The following DNAH6 variants were observed in gnomAD, a reference collection of about 807,000 sequenced individuals.
DNAH6 encodes the protein axonemal beta dynein heavy chain 6.
In DNAH6, 340 loss-of-function variants were observed where a neutral mutation model predicts 491.4. That is an observed-to-expected ratio of 0.69 (90% confidence interval 0.63 to 0.76). The LOEUF (loss-of-function observed/expected upper bound fraction) is 0.76. DNAH6 is among the 30% of genes least tolerant of loss of function. The probability of loss-of-function intolerance (pLI) is 0.00; values close to 1 mark genes in which losing one functional copy is unlikely to be tolerated. For missense variants in DNAH6, 4,443 were observed against 4,972.2 expected (o/e 0.89, Z 3.20); for synonymous variants, 1,603 against 1,686.1 (o/e 0.95, Z 1.21).
the DNAH6 span, among the ~76,000 whole-genome samples, chr2:84,505,755 G>A: frequency 6.6e-6 from 1 of 151,946 alleles, no homozygotes; most frequent in Admixed American, 6.5e-5. Flanking sequence ...TCCCCTTCCT[G>A]TGTCCGTGTG....
intron 11 of DNAH6, among the ~76,000 whole-genome samples, chr2:84,569,249 A>G (rs920051093): frequency 2.0e-5 from 3 of 152,138 alleles, no homozygotes; most frequent in Admixed American, 2.0e-4. Context: ...TTTCCAGGAT[A>G]TATTGTTAGA....
intron 23 of DNAH6, among the ~76,000 whole-genome samples, chr2:84,617,442 A>G (rs1438125731): frequency 1.3e-5 from 2 of 152,082 alleles, no homozygotes; most frequent in Admixed American, 1.3e-4. Flanking sequence ...AAATTAAATT[A>G]TTATTGACTA....
chr2:84,795,072 G>T (rs1427814876), intron 68 of DNAH6, among the ~76,000 whole-genome samples: 1 of 141,964 alleles, frequency 7.0e-6, no homozygotes, highest in Admixed American at 7.3e-5. Context: ...GTAAACTATC[G>T]CAAGGACAAA....
chr2:84,631,680 G>A (rs915665764), intron 29 of DNAH6, among the ~76,000 whole-genome samples: 8 of 152,222 alleles, frequency 5.3e-5, no homozygotes, highest in African/African-American at 1.7e-4. Context: ...CCCAAGGGTT[G>A]CCGGCAACCA....
At chr2:84,751,878 G>T (rs183147203) in intron 63 of DNAH6, among the ~76,000 whole-genome samples, 1 of 152,224 alleles carries the variant, frequency 6.6e-6, no homozygotes. Flanking sequence ...AAGTTACCAC[G>T]TGATGCTAAT....
At chr2:84,549,328 T>G (rs1185353606) in intron 8 of DNAH6, among the ~76,000 whole-genome samples, 1 of 152,238 alleles carries the variant, frequency 6.6e-6, no homozygotes, top group East Asian at 1.9e-4. Flanking sequence ...GCTACCATAG[T>G]GGACCTAGAA....
chr2:84,725,302 C>T (rs1264556699), intron 60 of DNAH6, among the ~76,000 whole-genome samples: 4 of 152,092 alleles, frequency 2.6e-5, no homozygotes, highest in Admixed American at 2.6e-4. Context: ...TTTCTATTTC[C>T]AGGAAAGAAT....
chr2:84,646,083 T>C (rs974738538), intron 33 of DNAH6, among the ~76,000 whole-genome samples: 7 of 152,240 alleles, frequency 4.6e-5, no homozygotes, highest in African/African-American at 1.7e-4. Flanking sequence ...TAGCTTGTGT[T>C]CACCATGTGT....
In DNAH6 at chr2:84,621,540, G is replaced by C. The variant is rs752790800; in HGVS notation, c.4060G>C (p.Val1354Leu). 19 of 1,517,316 alleles carry C rather than the reference G, an allele frequency of 1.3e-5. No homozygotes were observed. The African/African-American group carries it at 2.1e-4, about 17-fold the overall frequency. The allele number at this position is 1,517,316 out of a possible 1,614,324, so 94.0% of individuals were successfully genotyped here. Residue 1354 changes from valine to leucine, a missense_variant, in exon 26 of 77, where the codon GTA becomes CTA. This residue lies in a region of DNAH6 where 2,977 missense variants were observed against 3,296.6 expected (regional missense o/e 0.90). Transcript: ENST00000389394. ...HIQALKNFEK[V>L]NFERLNALAA... ...ACAGGCCCTGAAGAATTTTGAAAAA[G>C]TAAATTTTGAGGTGAGATCTGTAAC...
At chr2:84,667,454 A>T (rs1309691954) in intron 37 of DNAH6, among the ~76,000 whole-genome samples, 1 of 152,252 alleles carries the variant, frequency 6.6e-6, no homozygotes. Flanking sequence ...GTGAACAGAT[A>T]CTTCTCAAAA....
chr2:84,683,927 A>T lies in DNAH6; in HGVS notation c.6917-1399A>T, dbSNP rs376523762. 9.9e-5 allele frequency among the ~76,000 whole-genome samples: 15 copies of T among 152,226 alleles called. No homozygotes were observed. In the East Asian group the frequency reaches 1.2e-3, roughly 12 times the overall value. ...AACAAGTCTGGGAATGAACTGGGAGATGCTGGCCCATGGCAGGAGCTTAGG... is the reference window on the plus strand; with the variant it reads ...AACAAGTCTGGGAATGAACTGGGAGTTGCTGGCCCATGGCAGGAGCTTAGG... On this transcript the variant is annotated intron_variant, in intron 42 of 76. Transcript: ENST00000389394.
At chr2:84,608,868 T>C (rs1196101058) in intron 21 of DNAH6, among the ~76,000 whole-genome samples, 1 of 152,234 alleles carries the variant, frequency 6.6e-6, no homozygotes, top group Admixed American at 6.5e-5. Flanking sequence ...CTTCTTCTAA[T>C]AGAAGGCTAT....
chr2:84,806,123 T>G lies in DNAH6; in HGVS notation c.11611+329T>G, dbSNP rs554340422. On this transcript the variant is annotated intron_variant, in intron 71 of 76. Transcript: ENST00000389394. ...CCACTAGCCAATATGGCTACCTAAA[T>G]TTAAACTTAATGTAATTTAAAATTC... is the stretch of plus-strand genomic sequence containing the variant. Among the ~76,000 whole-genome samples, 4 of 152,330 alleles carry G rather than the reference T, an allele frequency of 2.6e-5. No homozygotes were observed. The East Asian group carries it at 7.7e-4, about 29-fold the overall frequency.
In DNAH6 at chr2:84,676,840, G is replaced by T. The variant is rs377695373; in HGVS notation, c.6613-165G>T. Among the ~76,000 whole-genome samples the T allele has an allele frequency of 4.6e-5, 7 of 152,110 alleles. No homozygotes were observed. The East Asian group carries it at 5.8e-4, about 13-fold the overall frequency. ...CTTGGTTTTTTAATCTATAAAATAG[G>T]TGTAATTATAGTGATCTCTTGGAGT... On this transcript the variant is annotated intron_variant, in intron 40 of 76. Coordinates refer to ENST00000389394, the MANE Select transcript of DNAH6 (RefSeq NM_001370.2).
At chr2:84,758,178 T>C (rs1166103917) in intron 63 of DNAH6, among the ~76,000 whole-genome samples, 1 of 152,134 alleles carries the variant, frequency 6.6e-6, no homozygotes, top group Non-Finnish European at 1.5e-5. Context: ...GCGAGAAAAA[T>C]ATTTCTCCAA....
At chr2:84,715,722 G>A in intron 58 of DNAH6, 95 bp downstream of exon 58, 1 of 1,196,200 alleles carries the variant, frequency 8.4e-7, no homozygotes, top group East Asian at 2.6e-5. Flanking sequence ...GTTCTGCTGT[G>A]TAAGAGCACT....
Position 84,710,418 on chromosome 2 carries a change from A to G in DNAH6, c.9378+6A>G. 2 of 1,551,542 alleles carry G rather than the reference A, an allele frequency of 1.3e-6. No individual in the cohort carries two copies. The highest frequency in any genetic ancestry group is 1.7e-6 in the Non-Finnish European group (2 of 1,146,840). ...TACCTGTCTTACTGGAAGAGGTTTG[A>G]TTTTCACTTCCTTTTCTCATGTCAG... is the stretch of plus-strand genomic sequence containing the variant. On this transcript the variant is annotated splice_donor_region_variant and intron_variant, in intron 56 of 76. Transcript: ENST00000389394.
intron 14 of DNAH6, among the ~76,000 whole-genome samples, chr2:84,581,172 T>C (rs994695493): frequency 3.3e-5 from 5 of 152,218 alleles, no homozygotes; most frequent in Non-Finnish European, 7.3e-5. Flanking sequence ...GGTCACATCA[T>C]AATCAATGGC....
chr2:84,635,116 G>A (rs1688748905), intron 30 of DNAH6, among the ~76,000 whole-genome samples: 1 of 152,318 alleles, frequency 6.6e-6, no homozygotes, highest in Admixed American at 6.5e-5. Context: ...TCCTGGCACA[G>A]CACGGGGGAC....
Sources: gnomAD v4.1 joint callset for allele counts (sites outside exome capture counted in the v4.1 genomes callset) on GRCh38, gnomAD v4.1.1 for gene constraint, gnomAD v4.1.1 regional missense constraint, MANE v1.5 for transcripts, NCBI Gene and HGNC (gene_info 2026-07-23, HGNC 2026-07-21) for gene names.